EMC9: variants seen among roughly 807,000 people sequenced by gnomAD.
The protein encoded by EMC9 is UPF0172 protein FAM158A.
EMC9 carries 20 observed loss-of-function variants against 25.0 expected under a neutral mutation model. That is an observed-to-expected ratio of 0.80 (90% confidence interval 0.56 to 1.16). The LOEUF is 1.16. Among genes scored for constraint, EMC9 ranks in the 50% most tolerant of loss-of-function variants. EMC9 has a pLI of 0.00. For missense variants in EMC9, 256 were observed against 268.7 expected (o/e 0.95, Z 0.33); for synonymous variants, 100 against 107.0 (o/e 0.93, Z 0.40).
Position 24,139,293 on chromosome 14 carries a change from G to T in EMC9, c.440+67C>A. ...TCTAGAGAAAGACCCTTGGGGCAGG[G>T]CCAAGGACAGAGGAGACCCAGGAGC... is the stretch of plus-strand genomic sequence containing the variant. On this transcript the variant is annotated intron_variant, in intron 5 of 5. Coordinates refer to ENST00000216799, the MANE Select transcript of EMC9 (RefSeq NM_016049.4). The surrounding 1 kb of genome is among the most constrained non-coding windows in gnomAD (Gnocchi z 4.6). 1.9e-6 allele frequency: 3 copies of T among 1,598,250 alleles called. No homozygotes were observed. Among genetic ancestry groups the T allele is most frequent in the Non-Finnish European group, 2.6e-6 (3 of 1,168,238 alleles).
chr14:24,141,246 C>T lies in EMC9; in HGVS notation c.59G>A (p.Arg20Gln), dbSNP rs150583293. Reference sequence around the variant, plus strand: ...CCCGTTGACTGCGGCGTGTGGGTACCGGGCAGCATGCAGGCACATCTTCAC... The same window carrying T: ...CCCGTTGACTGCGGCGTGTGGGTACTGGGCAGCATGCAGGCACATCTTCAC... ...AYVKMCLHAARYPHAAVNGLF... is the reference protein window; with the variant it reads ...AYVKMCLHAAQYPHAAVNGLF... Residue 20 changes from arginine (R) to glutamine (Q), a missense_variant, in exon 2 of 6, where the codon CGG becomes CAG. Arg to Gln is a conservative substitution (Grantham distance 43). Transcript: ENST00000216799. 2,011 of 1,614,176 alleles carry T rather than the reference C, an allele frequency of 1.2e-3. 33 individuals are homozygous for T. In the South Asian group the frequency reaches 0.02, roughly 16 times the overall value.
chr14:24,140,827 C>G, intron 3 of EMC9, 62 bp downstream of exon 3: 2 of 1,570,724 alleles, frequency 1.3e-6, no homozygotes, highest in East Asian at 2.3e-5. Context: ...TCCTCGCCCT[C>G]TATTCCTCCA....
At chr14:24,140,646 A>G (rs2038032240) in intron 3 of EMC9, among the ~76,000 whole-genome samples, 1 of 150,604 alleles carries the variant, frequency 6.6e-6, no homozygotes. Flanking sequence ...CCCCGCCCCA[A>G]CGGCACTCCA....
intron 3 of EMC9, 75 bp downstream of exon 3, chr14:24,140,813 CG>C: frequency 6.9e-7 from 1 of 1,454,804 alleles, no homozygotes; most frequent in South Asian, 1.2e-5. Flanking sequence ...CACCGCCCCA[CG>C]CATCCTCGCC....
Position 24,139,986 on chromosome 14 carries a change from A to G in EMC9, c.276-372T>C. On this transcript the variant is annotated intron_variant, in intron 3 of 5. Transcript: ENST00000216799. This position sits in a 1 kb window ranked among gnomAD's most constrained non-coding sequence, Gnocchi z 4.6. Reference sequence around the variant, plus strand: ...TAATAAAACACTGGAAACAACCTCAATGTTTAAAGTATTAAATAAATTAGA... The same window carrying G: ...TAATAAAACACTGGAAACAACCTCAGTGTTTAAAGTATTAAATAAATTAGA... 1 of 393,686 alleles carries G rather than the reference A, an allele frequency of 2.5e-6. No individual in the cohort carries two copies. The highest frequency in any genetic ancestry group is 5.0e-6 in the Non-Finnish European group (1 of 200,232). The allele number at this position is 393,686 out of a possible 1,614,324, so 24.4% of individuals were successfully genotyped here.
chr14:24,141,346 A>C, intron 1 of EMC9, 30 bp from the exon 2 acceptor site: 2 of 1,606,580 alleles, frequency 1.2e-6, no homozygotes, highest in East Asian at 2.2e-5. Flanking sequence ...CCGGATTAGT[A>C]CCGGATTAGG....
rs1253724269 is a variant in EMC9 at position 24,139,451 on chromosome 14, C to G, written c.349G>C (p.Asp117His). ...FFPDAVLIMLDNQKLVPQPRV... is the reference protein window; with the variant it reads ...FFPDAVLIMLHNQKLVPQPRV... The stretch of plus-strand genomic sequence containing the variant: ...GGCTGAGGCACCAGTTTCTGATTAT[C>G]CAACTGAGTGGACAAAGATGGGCAA... The change falls in exon 5 of 6, where the codon GAT (aspartate) becomes CAT (histidine). Residue 117 changes from aspartate to histidine, a missense_variant. Coordinates refer to ENST00000216799, the MANE Select transcript of EMC9 (RefSeq NM_016049.4). This position sits in a 1 kb window ranked among gnomAD's most constrained non-coding sequence, Gnocchi z 4.6. 6.2e-7 allele frequency: 1 copy of G among 1,614,022 alleles called. No homozygotes were observed. Among genetic ancestry groups the G allele is most frequent in the Non-Finnish European group, 8.5e-7 (1 of 1,180,016 alleles).
rs2038012280 is a variant in EMC9 at position 24,139,952 on chromosome 14, C to A, written c.276-338G>T. ...TAAAGAATTTATGGTAATCATAGGA[C>A]AGTGTCTGTAATAAAACACTGGAAA... is the stretch of plus-strand genomic sequence containing the variant. On this transcript the variant is annotated intron_variant, in intron 3 of 5. Coordinates refer to ENST00000216799, the MANE Select transcript of EMC9 (RefSeq NM_016049.4). This position sits in a 1 kb window ranked among gnomAD's most constrained non-coding sequence, Gnocchi z 4.6. 8.8e-6 allele frequency: 4 copies of A among 453,400 alleles called. No homozygotes were observed. Among genetic ancestry groups the A allele is most frequent in the South Asian group, 6.7e-5 (4 of 60,146 alleles). The allele number at this position is 453,400 out of a possible 1,614,324, so 28.1% of individuals were successfully genotyped here.
intron 3 of EMC9, chr14:24,140,417 T>A (rs990112930): frequency 2.0e-5 from 3 of 150,954 alleles, no homozygotes; most frequent in African/African-American, 7.3e-5. Flanking sequence ...AAATAAAAAA[T>A]AATAATAAAT....
In EMC9 at chr14:24,139,366, T is replaced by C. The variant is rs775384061; in HGVS notation, c.434A>G (p.Lys145Arg). The change falls in exon 5 of 6, where the codon AAG becomes AGG. Residue 145 changes from lysine (K) to arginine (R), a missense_variant. By Grantham distance (26) the Lys-to-Arg change is conservative (BLOSUM62 2). Coordinates refer to ENST00000216799, the MANE Select transcript of EMC9 (RefSeq NM_016049.4). The surrounding 1 kb of genome is among the most constrained non-coding windows in gnomAD (Gnocchi z 4.6). ...GAGGGAGTGGGGTACTCACAAGTTCTTATCCTTAGGGACCCAGCGGAGACC... is the reference window on the plus strand; with the variant it reads ...GAGGGAGTGGGGTACTCACAAGTTCCTATCCTTAGGGACCCAGCGGAGACC... ...NQGLRWVPKD[K>R]NLVMWRDWEE... 8 of 1,614,130 alleles carry C rather than the reference T, an allele frequency of 5.0e-6. No individual in the cohort carries two copies. Among genetic ancestry groups the C allele is most frequent in the Middle Eastern group, 1.7e-4 (1 of 6,058 alleles).
chr14:24,139,007 G>C lies in EMC9; in HGVS notation c.*3C>G. 3.1e-6 allele frequency: 5 copies of C among 1,612,984 alleles called. No homozygotes were observed. Among genetic ancestry groups the C allele is most frequent in the Non-Finnish European group, 4.2e-6 (5 of 1,179,964 alleles). On this transcript the variant is annotated 3_prime_UTR_variant, in exon 6 of 6. Coordinates refer to ENST00000216799, the MANE Select transcript of EMC9 (RefSeq NM_016049.4). The surrounding 1 kb of genome is among the most constrained non-coding windows in gnomAD (Gnocchi z 4.6). ...ATTGGAACCGGGCCCCGCTGGCCCT[G>C]GCTCAGGCATTTCCATTTCCATTAG...
In EMC9 at chr14:24,139,014, GCATTTC is replaced by G. The variant is rs1234360836; in HGVS notation, c.617_622del (p.Gly206_Asn207del). On this transcript the variant is annotated inframe_deletion, in exon 6 of 6. Coordinates refer to ENST00000216799, the MANE Select transcript of EMC9 (RefSeq NM_016049.4). The surrounding 1 kb of genome is among the most constrained non-coding windows in gnomAD (Gnocchi z 4.6). Reference sequence around the variant, plus strand: ...CCGGGCCCCGCTGGCCCTGGCTCAGGCATTTCCATTTCCATTAGTGGGACCAACCCA... The same window carrying G: ...CCGGGCCCCGCTGGCCCTGGCTCAGGCATTTCCATTAGTGGGACCAACCCA... The G allele has an allele frequency of 3.1e-6, 5 of 1,613,172 alleles. No homozygotes were observed. The African/African-American group carries it at 4.0e-5, about 13-fold the overall frequency.
At position 24,141,479 on chromosome 14, in the gene EMC9, G is replaced by A. The variant is rs900476757; in HGVS notation, c.-54C>T. 5.6e-6 allele frequency: 4 copies of A among 713,934 alleles called. No individual in the cohort carries two copies. Among genetic ancestry groups the A allele is most frequent in the Admixed American group, 5.2e-5 (2 of 38,650 alleles). The allele number at this position is 713,934 out of a possible 1,614,324, so 44.2% of individuals were successfully genotyped here. The stretch of plus-strand genomic sequence containing the variant: ...CGCTAACTCGACTCGCAGGTAGCCC[G>A]CCGGCTCCCGGCGCCCTGGGTCCCG... On this transcript the variant is annotated 5_prime_UTR_variant, in exon 1 of 6. Coordinates refer to ENST00000216799, the MANE Select transcript of EMC9 (RefSeq NM_016049.4).
chr14:24,140,772 C>G, intron 3 of EMC9, 117 bp downstream of exon 3: 1 of 1,118,112 alleles, frequency 8.9e-7, no homozygotes, highest in South Asian at 1.4e-5. Context: ...AAGGAACGAC[C>G]TTGGTTCATC....
chr14:24,140,779 CAT>C, intron 3 of EMC9, 108 bp downstream of exon 3: 1 of 1,218,304 alleles, frequency 8.2e-7, no homozygotes, highest in East Asian at 2.4e-5. Flanking sequence ...GACCTTGGTT[CAT>C]CTTGTGCGCC....
chr14:24,141,248 GGCAGCAT>G lies in EMC9; in HGVS notation c.50_56del (p.His17ProfsTer70). On this transcript the variant is annotated frameshift_variant, in exon 2 of 6. Transcript: ENST00000216799. LOFTEE classifies it high-confidence loss of function. ...CGTTGACTGCGGCGTGTGGGTACCGGGCAGCATGCAGGCACATCTTCACGTAGGCCAG... is the reference window on the plus strand; with the variant it reads ...CGTTGACTGCGGCGTGTGGGTACCGGGCAGGCACATCTTCACGTAGGCCAG... 1 of 1,614,158 alleles carries G rather than the reference GGCAGCAT, an allele frequency of 6.2e-7. No individual in the cohort carries two copies. The highest frequency in any genetic ancestry group is 8.5e-7 in the Non-Finnish European group (1 of 1,180,024).
At position 24,139,219 on chromosome 14, in the gene EMC9, G is replaced by A; in HGVS notation, c.441-23C>T. 1 of 1,612,832 alleles carries A rather than the reference G, an allele frequency of 6.2e-7. No homozygotes were observed. The highest frequency in any genetic ancestry group is 2.2e-5 in the East Asian group (1 of 44,858). ...ACTCTGAAATAGTAACCCCCATGGA[G>A]GTCAAACAGCAAGTAGTGGGTCCAG... is the stretch of plus-strand genomic sequence containing the variant. On this transcript the variant is annotated intron_variant, in intron 5 of 5. Coordinates refer to ENST00000216799, the MANE Select transcript of EMC9 (RefSeq NM_016049.4). This position sits in a 1 kb window ranked among gnomAD's most constrained non-coding sequence, Gnocchi z 4.6.
At chr14:24,140,183 G>A (rs1166626790) in intron 3 of EMC9, 1 of 151,530 alleles carries the variant, frequency 6.6e-6, no homozygotes, top group Non-Finnish European at 1.5e-5. Flanking sequence ...TTTCCTATAT[G>A]TATATATATA....
In EMC9 at chr14:24,140,793, C is replaced by T. The variant is rs2038036951; in HGVS notation, c.275+96G>A. ...CGACCTTGGTTCATCTTGTGCGCCC[C>T]CGCCCCGCCCACCGCCCCACGCATC... On this transcript the variant is annotated intron_variant, in intron 3 of 5. Coordinates refer to ENST00000216799, the MANE Select transcript of EMC9 (RefSeq NM_016049.4). 7.4e-6 allele frequency: 10 copies of T among 1,351,634 alleles called. No individual in the cohort carries two copies. In the South Asian group the frequency reaches 1.1e-4, roughly 15 times the overall value. 83.7% of individuals were successfully genotyped at this position (1,351,634 alleles called of 1,614,324 possible).
Sources: allele counts gnomAD v4.1 joint callset (sites outside exome capture counted in the v4.1 genomes callset), GRCh38; gene constraint gnomAD v4.1.1; non-coding constraint Gnocchi (gnomAD v3.1); transcripts MANE v1.5; gene names NCBI Gene and HGNC (gene_info 2026-07-23, HGNC 2026-07-21).